Variants in BLTP3A observed in about 807,000 individuals in gnomAD.
BLTP3A encodes the protein bridge-like lipid transfer protein family member 3A, also known as ICBP90 binding protein 1.
chr6:34,806,387 AC>A, the BLTP3A span, among the ~76,000 whole-genome samples: 1 of 152,156 alleles, frequency 6.6e-6, no homozygotes, highest in African/African-American at 2.4e-5. Flanking sequence ...TCTCTTAGGT[AC>A]GTGTTCGTGC....
the BLTP3A span, among the ~76,000 whole-genome samples, chr6:34,811,763 G>A: frequency 6.6e-6 from 1 of 151,658 alleles, no homozygotes; most frequent in Non-Finnish European, 1.5e-5. Context: ...GGAGGCTGAG[G>A]CAGGACAATC....
chr6:34,828,069 A>G, the BLTP3A span, among the ~76,000 whole-genome samples: 2 of 152,196 alleles, frequency 1.3e-5, no homozygotes, highest in African/African-American at 4.8e-5. Flanking sequence ...TGTACTGTAT[A>G]TATATTTGTA....
the BLTP3A span, chr6:34,864,247 C>A: frequency 1.3e-6 from 2 of 1,558,776 alleles, no homozygotes; most frequent in Non-Finnish European, 1.8e-6. Flanking sequence ...AGAAAGGGTT[C>A]TCTCTGCTGC....
At chr6:34,834,638 T>C in the BLTP3A span, 1 of 1,539,384 alleles carries the variant, frequency 6.5e-7, no homozygotes, top group East Asian at 2.2e-5. Context: ...GTCTCTGCCT[T>C]GCCAGTCTTT....
the BLTP3A span, among the ~76,000 whole-genome samples, chr6:34,847,133 C>T: frequency 6.6e-6 from 1 of 152,096 alleles, no homozygotes; most frequent in Non-Finnish European, 1.5e-5. Context: ...TATATGGTCT[C>T]TTTAATGTGT....
At chr6:34,871,005 C>G in the BLTP3A span, 19 of 1,614,000 alleles carry the variant, frequency 1.2e-5, no homozygotes, top group Middle Eastern at 3.3e-4. Flanking sequence ...GCTGTGACCT[C>G]GAGCTGCTCA....
At chr6:34,872,466 G>A in the BLTP3A span, 2 of 1,591,766 alleles carry the variant, frequency 1.3e-6, no homozygotes, top group African/African-American at 1.4e-5. Flanking sequence ...TCTGTGCCAA[G>A]GAGAGAGGCT....
At chr6:34,828,450 C>CAAA in the BLTP3A span, among the ~76,000 whole-genome samples, 1 of 54,422 alleles carries the variant, frequency 1.8e-5, no homozygotes. Flanking sequence ...GACTCCATCT[C>CAAA]AAAAAAAAAA....
chr6:34,864,509 G>A, the BLTP3A span, among the ~76,000 whole-genome samples: 2 of 143,492 alleles, frequency 1.4e-5, no homozygotes, highest in African/African-American at 5.2e-5. Context: ...AGTGGTGTGA[G>A]TGTGCTTATA....
the BLTP3A span, chr6:34,872,216 T>A: frequency 2.8e-6 from 4 of 1,418,960 alleles, no homozygotes; most frequent in African/African-American, 2.9e-5. Context: ...AACTTGTGGA[T>A]TTTTCTCCTT....
chr6:34,802,373 A>ATTT, the BLTP3A span, among the ~76,000 whole-genome samples: 2 of 139,614 alleles, frequency 1.4e-5, no homozygotes. Context: ...AGCCCGGCTA[A>ATTT]TTTTTTTTTT....
the BLTP3A span, among the ~76,000 whole-genome samples, chr6:34,854,801 T>G: frequency 4.6e-3 from 704 of 152,252 alleles, 14 homozygotes; most frequent in East Asian, 0.071. Flanking sequence ...CTGTGGTGTT[T>G]TCTCTTATAT....
At chr6:34,864,338 A>G in the BLTP3A span, 9 of 923,614 alleles carry the variant, frequency 9.7e-6, no homozygotes, top group African/African-American at 1.7e-5. Context: ...AAAAAGAGAG[A>G]CAGAGAAATT....
the BLTP3A span, chr6:34,792,108 A>C: frequency 1.8e-6 from 1 of 553,424 alleles, no homozygotes; most frequent in Non-Finnish European, 2.6e-6. Flanking sequence ...GCGCCCAAAG[A>C]GGGGCGAGAA....
At chr6:34,861,323 G>A in the BLTP3A span, among the ~76,000 whole-genome samples, 1 of 152,024 alleles carries the variant, frequency 6.6e-6, no homozygotes, top group South Asian at 2.1e-4. Flanking sequence ...ATGGGGTTTT[G>A]CCATGTTGCC....
the BLTP3A span, among the ~76,000 whole-genome samples, chr6:34,844,914 A>C: frequency 2.6e-5 from 4 of 152,192 alleles, no homozygotes; most frequent in Admixed American, 2.0e-4. Context: ...AGCATTACTC[A>C]AGAAATCTTT....
At chr6:34,858,959 C>G in the BLTP3A span, 1 of 1,614,134 alleles carries the variant, frequency 6.2e-7, no homozygotes, top group South Asian at 1.1e-5. Flanking sequence ...CAGAATCAGA[C>G]AGCTTGCATT....
chr6:34,868,595 G>A, the BLTP3A span, among the ~76,000 whole-genome samples: 17 of 151,476 alleles, frequency 1.1e-4, no homozygotes, highest in East Asian at 3.9e-4. Context: ...GTGGTGGCAG[G>A]CACCTGTAAT....
chr6:34,854,229 G>A, the BLTP3A span, among the ~76,000 whole-genome samples: 1,280 of 151,394 alleles, frequency 8.5e-3, 19 homozygotes, highest in African/African-American at 0.027. Flanking sequence ...CTCAAAAAAA[G>A]AAAAAAATTA....
Sources: allele counts gnomAD v4.1 joint callset (sites outside exome capture counted in the v4.1 genomes callset), GRCh38; gene constraint gnomAD v4.1.1; transcripts MANE v1.5; gene names NCBI Gene and HGNC (gene_info 2026-07-23, HGNC 2026-07-21).